PLPPR4: variants seen among roughly 807,000 people sequenced by gnomAD.
PLPPR4 encodes phospholipid phosphatase related 4, also known as phospholipid phosphatase-related protein type 4.
In PLPPR4, 24 loss-of-function variants were observed where a neutral mutation model predicts 56.6. The observed-to-expected ratio is 0.42, with a 90% CI of 0.31 to 0.60. The LOEUF (loss-of-function observed/expected upper bound fraction) is 0.60. Ranked by LOEUF, PLPPR4 falls within the 20% of genes least tolerant of loss-of-function variation. The pLI, the probability that PLPPR4 is intolerant of heterozygous loss-of-function variation, is 0.13. For synonymous variants in PLPPR4, 326 were observed against 328.1 expected (o/e 0.99, Z 0.07); for missense variants, 654 against 885.8 (o/e 0.74, Z 3.32).
chr1:99,286,058 G>A (rs369628140), intron 1 of PLPPR4, among the ~76,000 whole-genome samples: 11 of 152,230 alleles, frequency 7.2e-5, no homozygotes, highest in African/African-American at 2.4e-4. Context: ...ACACAAAAAT[G>A]GTACACAAAG....
At chr1:99,297,514 G>T (rs897572572) in intron 3 of PLPPR4, among the ~76,000 whole-genome samples, 4 of 151,964 alleles carry the variant, frequency 2.6e-5, no homozygotes, top group Non-Finnish European at 5.9e-5. Context: ...TTTTAATATA[G>T]TTGAATAGTC....
At chr1:99,304,804 G>T (rs1659977505) in intron 6 of PLPPR4, among the ~76,000 whole-genome samples, 1 of 152,058 alleles carries the variant, frequency 6.6e-6, no homozygotes, top group South Asian at 2.1e-4. Flanking sequence ...ACACAAACAG[G>T]TGTCTGCTGC....
chr1:99,278,091 T>C (rs187224999), intron 1 of PLPPR4, among the ~76,000 whole-genome samples: 229 of 152,234 alleles, frequency 1.5e-3, no homozygotes, highest in African/African-American at 5.2e-3. Context: ...AAATATTCTC[T>C]TTTTTATTTT....
intron 1 of PLPPR4, among the ~76,000 whole-genome samples, chr1:99,275,982 A>T (rs1028349576): frequency 1.6e-4 from 24 of 152,194 alleles, no homozygotes; most frequent in African/African-American, 4.8e-4. Flanking sequence ...TAAAACACAT[A>T]ACACAATCCT....
intron 4 of PLPPR4, among the ~76,000 whole-genome samples, chr1:99,300,071 T>C (rs1341967201): frequency 6.6e-6 from 1 of 152,030 alleles, no homozygotes; most frequent in Non-Finnish European, 1.5e-5. Context: ...GGTTCTCATG[T>C]ATCATTCAAT....
intron 2 of PLPPR4, among the ~76,000 whole-genome samples, chr1:99,290,318 C>T (rs1389955377): frequency 6.6e-6 from 1 of 152,054 alleles, no homozygotes; most frequent in Non-Finnish European, 1.5e-5. Flanking sequence ...GAAAAATATT[C>T]CATACTCATG....
intron 3 of PLPPR4, among the ~76,000 whole-genome samples, chr1:99,298,537 C>T (rs973337674): frequency 6.6e-6 from 1 of 152,112 alleles, no homozygotes; most frequent in East Asian, 1.9e-4. Flanking sequence ...GCCTGTCTGA[C>T]TTCTTCTCTG....
intron 1 of PLPPR4, among the ~76,000 whole-genome samples, chr1:99,280,758 T>A (rs1284996530): frequency 6.6e-6 from 1 of 152,180 alleles, no homozygotes; most frequent in African/African-American, 2.4e-5. Flanking sequence ...GGAACCATAA[T>A]GTGAAGCAGA....
At chr1:99,271,872 G>A (rs909384562) in intron 1 of PLPPR4, among the ~76,000 whole-genome samples, 3 of 149,414 alleles carry the variant, frequency 2.0e-5, no homozygotes, top group Non-Finnish European at 3.0e-5. Context: ...AGAAGAAAAA[G>A]CATTAGAAAA....
intron 1 of PLPPR4, among the ~76,000 whole-genome samples, chr1:99,269,997 T>TTGTGTGTGTGTGTGTG (rs10612152): frequency 7.4e-6 from 1 of 134,474 alleles, no homozygotes; most frequent in Non-Finnish European, 1.6e-5. Context: ...TTCATTCCTT[T>TTGTGTGTGTGTGTGTG]TGTGTGTGTG....
rs1660129694 is a variant in PLPPR4 at position 99,309,422 on chromosome 1, T to C, written c.*2412T>C. 6.6e-6 allele frequency: 1 copy of C among 152,234 alleles called. No individual in the cohort carries two copies. Among genetic ancestry groups the C allele is most frequent in the Non-Finnish European group, 1.5e-5 (1 of 67,938 alleles). 9.4% of individuals were successfully genotyped at this position (152,234 alleles called of 1,614,324 possible). A position where few individuals can be genotyped will look rare whatever the true frequency, so the allele number is the denominator to read the frequency against. On this transcript the variant is annotated 3_prime_UTR_variant, in exon 7 of 7. Coordinates refer to ENST00000370185, the MANE Select transcript of PLPPR4 (RefSeq NM_014839.5). ...AATAAAATTATGAAAATATATATAG[T>C]ATATATAAAGTACTGTGTTTAAAAA...
In PLPPR4 at chr1:99,269,113, C is replaced by T. The variant is rs1203019238; in HGVS notation, c.78+4442C>T. Among the ~76,000 whole-genome samples the T allele has an allele frequency of 6.6e-5, 10 of 152,044 alleles. No homozygotes were observed. The East Asian group carries it at 1.9e-3, about 29-fold the overall frequency. On this transcript the variant is annotated intron_variant, in intron 1 of 6. Transcript: ENST00000370185. The stretch of plus-strand genomic sequence containing the variant: ...CCCACAGGCCCTGGTGTGTGATGTT[C>T]CCCTCCCTGTGTCCATGTGTTCTCA...
At position 99,308,466 on chromosome 1, in the gene PLPPR4, A is replaced by T. The variant is rs1024815558; in HGVS notation, c.*1456A>T. The T allele has an allele frequency of 2.6e-5, 4 of 152,650 alleles. No individual in the cohort carries two copies. Among genetic ancestry groups the T allele is most frequent in the South Asian group, 2.1e-4 (1 of 4,836 alleles). 9.5% of individuals were successfully genotyped at this position (152,650 alleles called of 1,614,324 possible). On this transcript the variant is annotated 3_prime_UTR_variant, in exon 7 of 7. Coordinates refer to ENST00000370185, the MANE Select transcript of PLPPR4 (RefSeq NM_014839.5). ...AATATTTTGGAGTGTTTTCCAACTT[A>T]AAGTATGAAGACATACTCAGTTCTT...
chr1:99,302,264 C>G (rs1570924431), intron 6 of PLPPR4, among the ~76,000 whole-genome samples: 4 of 151,920 alleles, frequency 2.6e-5, no homozygotes, highest in Non-Finnish European at 5.9e-5. Context: ...TAACTTGCCC[C>G]ACACCACAAA....
intron 1 of PLPPR4, among the ~76,000 whole-genome samples, chr1:99,279,250 C>T (rs944240438): frequency 1.3e-5 from 2 of 152,078 alleles, no homozygotes; most frequent in African/African-American, 4.8e-5. Flanking sequence ...ATGATCTAGA[C>T]ATTCATCAGG....
chr1:99,296,992 TTTATA>T, intron 3 of PLPPR4, 125 bp downstream of exon 3: 2 of 1,017,076 alleles, frequency 2.0e-6, no homozygotes, highest in Non-Finnish European at 2.6e-6. Flanking sequence ...CATGATGAGT[TTTATA>T]TTGTACAAGA....
intron 1 of PLPPR4, among the ~76,000 whole-genome samples, chr1:99,278,926 A>C (rs1659256734): frequency 6.6e-6 from 1 of 152,200 alleles, no homozygotes; most frequent in Non-Finnish European, 1.5e-5. Flanking sequence ...GATCCAATTT[A>C]AGTTTCTTGA....
At position 99,307,476 on chromosome 1, in the gene PLPPR4, T is replaced by C. The variant is rs1348934248; in HGVS notation, c.*466T>C. 6.1e-6 allele frequency: 1 copy of C among 165,046 alleles called. No homozygotes were observed. The highest frequency in any genetic ancestry group is 1.3e-5 in the Non-Finnish European group (1 of 74,472). 10.2% of individuals were successfully genotyped at this position (165,046 alleles called of 1,614,324 possible). On this transcript the variant is annotated 3_prime_UTR_variant, in exon 7 of 7. Coordinates refer to ENST00000370185, the MANE Select transcript of PLPPR4 (RefSeq NM_014839.5). ...TCAATACGGGTGGTGCTGATTATTA[T>C]AGTACATATACCATGTAAACTCTCA...
At position 99,268,749 on chromosome 1, in the gene PLPPR4, C is replaced by A. The variant is rs150970995; in HGVS notation, c.78+4078C>A. On this transcript the variant is annotated intron_variant, in intron 1 of 6. Coordinates refer to ENST00000370185, the MANE Select transcript of PLPPR4 (RefSeq NM_014839.5). Reference sequence around the variant, plus strand: ...TCAAGTTGTGAAAAGAACTCTCAGACAAGCATACCCACACCTTATTAGGAT... The same window carrying A: ...TCAAGTTGTGAAAAGAACTCTCAGAAAAGCATACCCACACCTTATTAGGAT... Among the ~76,000 whole-genome samples the A allele has an allele frequency of 2.4e-3, 362 of 152,204 alleles. 2 individuals are homozygous for A. The highest frequency in any genetic ancestry group is 8.5e-3 in the African/African-American group (354 of 41,534).
Sources: allele counts gnomAD v4.1 joint callset (sites outside exome capture counted in the v4.1 genomes callset), GRCh38; gene constraint gnomAD v4.1.1; transcripts MANE v1.5; gene names NCBI Gene and HGNC (gene_info 2026-07-23, HGNC 2026-07-21).